ATP8B4: variants seen among roughly 807,000 people sequenced by gnomAD.
The protein encoded by ATP8B4 is ATPase phospholipid transporting 8B4 (putative), also known as probable phospholipid-transporting ATPase IM.
Under a neutral mutation model 145.6 loss-of-function variants are expected in ATP8B4, and 133 were observed. That is an observed-to-expected ratio of 0.91 (90% CI 0.79 to 1.05). The LOEUF (loss-of-function observed/expected upper bound fraction) is 1.05, where lower values mean the gene tolerates loss of function less well. Among genes scored for constraint, ATP8B4 ranks in the 50% least tolerant of loss-of-function variants. ATP8B4 has a pLI of 0.00. For synonymous variants in ATP8B4, 507 were observed against 492.9 expected (o/e 1.03, Z -0.38); for missense variants, 1,458 against 1,425.2 (o/e 1.02, Z -0.37).
chr15:50,059,518 T>TTGAATGAA (rs751196247), intron 3 of ATP8B4, among the ~76,000 whole-genome samples: 2 of 152,138 alleles, frequency 1.3e-5, no homozygotes, highest in Non-Finnish European at 2.9e-5. Context: ...CCCCTGTTCC[T>TTGAATGAA]TGAATGAATG....
chr15:50,030,244 T>C (rs8025172), intron 6 of ATP8B4, among the ~76,000 whole-genome samples: 20,690 of 152,076 alleles, frequency 0.14, 1,529 homozygotes, highest in African/African-American at 0.19. Flanking sequence ...TGAGAAAAGA[T>C]GCATAAACCT....
At chr15:50,075,126 G>A (rs185093761) in intron 2 of ATP8B4, among the ~76,000 whole-genome samples, 2 of 152,260 alleles carry the variant, frequency 1.3e-5, no homozygotes, top group East Asian at 3.9e-4. Context: ...AAGAGTCTGA[G>A]TTTAGAGAAG....
chr15:50,168,662 T>C (rs2044628054), intron 1 of ATP8B4, among the ~76,000 whole-genome samples: 2 of 152,148 alleles, frequency 1.3e-5, no homozygotes, highest in South Asian at 4.1e-4. Flanking sequence ...ACAATTTGAA[T>C]GGAGTGAAAA....
chr15:50,040,673 C>T (rs2051207790), intron 5 of ATP8B4, among the ~76,000 whole-genome samples: 1 of 152,192 alleles, frequency 6.6e-6, no homozygotes, highest in Non-Finnish European at 1.5e-5. Flanking sequence ...AAAAGCTGAG[C>T]AGCTCACTCT....
chr15:50,110,433 T>C (rs1179368635), intron 1 of ATP8B4, among the ~76,000 whole-genome samples: 1 of 152,198 alleles, frequency 6.6e-6, no homozygotes, highest in Non-Finnish European at 1.5e-5. Flanking sequence ...TGACACTCGC[T>C]CCACCTCTAA....
intron 9 of ATP8B4, among the ~76,000 whole-genome samples, chr15:49,991,252 GA>G (rs1163724791): frequency 1.3e-5 from 2 of 152,058 alleles, no homozygotes; most frequent in Non-Finnish European, 2.9e-5. Flanking sequence ...CTATTCTTTA[GA>G]AAGAACCACA....
chr15:50,040,205 G>T (rs1333340723), intron 5 of ATP8B4, among the ~76,000 whole-genome samples: 4 of 152,208 alleles, frequency 2.6e-5, no homozygotes, highest in South Asian at 2.1e-4. Flanking sequence ...CAGAAGATTC[G>T]AGTCAGAGAA....
At chr15:50,045,299 T>G (rs973241847) in intron 4 of ATP8B4, among the ~76,000 whole-genome samples, 1 of 152,140 alleles carries the variant, frequency 6.6e-6, no homozygotes, top group Non-Finnish European at 1.5e-5. Flanking sequence ...ATTTTATAAA[T>G]GAAGAATCTA....
chr15:49,974,434 G>GC (rs2045489131), intron 12 of ATP8B4, among the ~76,000 whole-genome samples: 1 of 146,268 alleles, frequency 6.8e-6, no homozygotes, highest in Admixed American at 6.9e-5. Context: ...TTGCTATGTT[G>GC]CCCAGGTTGG....
intron 1 of ATP8B4, among the ~76,000 whole-genome samples, chr15:50,125,542 A>G (rs535716876): frequency 6.6e-6 from 1 of 152,288 alleles, no homozygotes; most frequent in Non-Finnish European, 1.5e-5. Context: ...GGGGACCCCA[A>G]GGTAACTGAG....
intron 1 of ATP8B4, among the ~76,000 whole-genome samples, chr15:50,178,720 GC>G (rs2044800720): frequency 6.6e-6 from 1 of 152,032 alleles, no homozygotes; most frequent in Non-Finnish European, 1.5e-5. Context: ...CTTGGAAAGG[GC>G]TATATGTTTA....
intron 1 of ATP8B4, among the ~76,000 whole-genome samples, chr15:50,110,246 T>C (rs1257523670): frequency 6.6e-6 from 1 of 152,110 alleles, no homozygotes; most frequent in East Asian, 1.9e-4. Context: ...ATCGAAAAAA[T>C]AAGAATTGAC....
intron 13 of ATP8B4, among the ~76,000 whole-genome samples, chr15:49,962,454 T>C (rs1436955232): frequency 6.6e-6 from 1 of 152,208 alleles, no homozygotes; most frequent in Non-Finnish European, 1.5e-5. Context: ...ATCTGTGTAA[T>C]ATCAAGATCA....
At chr15:49,948,281 C>CAAA (rs35575312) in intron 14 of ATP8B4, among the ~76,000 whole-genome samples, 2,215 of 112,262 alleles carry the variant, frequency 0.02, 88 homozygotes, top group African/African-American at 0.069. Flanking sequence ...ACTAAAAATA[C>CAAA]AAAAAAAAAA....
At chr15:49,873,962 T>C (rs905312888) in intron 25 of ATP8B4, among the ~76,000 whole-genome samples, 22 of 152,260 alleles carry the variant, frequency 1.4e-4, no homozygotes, top group Admixed American at 4.6e-4. Flanking sequence ...ACATCAGTTA[T>C]AATGATTCTT....
chr15:50,029,799 G>A (rs2050299270), intron 6 of ATP8B4, among the ~76,000 whole-genome samples: 1 of 152,126 alleles, frequency 6.6e-6, no homozygotes, highest in Admixed American at 6.6e-5. Flanking sequence ...ACTCTGATCT[G>A]GGTAGCAAGA....
intron 3 of ATP8B4, among the ~76,000 whole-genome samples, chr15:50,062,269 G>A (rs989409378): frequency 6.6e-6 from 1 of 152,136 alleles, no homozygotes; most frequent in African/African-American, 2.4e-5. Flanking sequence ...CCTTACAATA[G>A]TGAGTTCTAG....
chr15:50,179,786 C>A (rs959774672), intron 1 of ATP8B4, among the ~76,000 whole-genome samples: 1 of 152,220 alleles, frequency 6.6e-6, no homozygotes, highest in Non-Finnish European at 1.5e-5. Context: ...ACCACATCTG[C>A]TGGCACCTTG....
intron 2 of ATP8B4, among the ~76,000 whole-genome samples, chr15:50,105,057 G>A (rs1200398167): frequency 2.6e-5 from 4 of 152,068 alleles, no homozygotes; most frequent in African/African-American, 9.7e-5. Flanking sequence ...CTATGAGGAT[G>A]CAAAGGCATA....
Sources: allele counts gnomAD v4.1 joint callset (sites outside exome capture counted in the v4.1 genomes callset), GRCh38; gene constraint gnomAD v4.1.1; transcripts MANE v1.5; gene names NCBI Gene and HGNC (gene_info 2026-07-23, HGNC 2026-07-21).